The following CSMD3 variants were observed in gnomAD, a reference collection of about 807,000 sequenced individuals.
CSMD3 encodes CUB and Sushi multiple domains 3.
A neutral mutation model predicts 435.2 loss-of-function variants in CSMD3; 177 were observed. That is an observed-to-expected ratio of 0.41 (90% CI 0.36 to 0.46). The LOEUF (loss-of-function observed/expected upper bound fraction) is 0.46, where lower values mean the gene tolerates loss of function less well. Ranked by LOEUF, CSMD3 falls within the 20% of genes least tolerant of loss-of-function variation. The probability of loss-of-function intolerance (pLI) is 0.34; values close to 1 mark genes in which losing one functional copy is unlikely to be tolerated. For synonymous variants in CSMD3, 1,656 were observed against 1,520.5 expected (o/e 1.09, Z -2.07); for missense variants, 4,265 against 4,504.6 (o/e 0.95, Z 1.52).
rs186305561 is a variant in CSMD3, at chr8:112,375,994, C to T, written c.6136+4358G>A. ...TTCCCTAATGTGGCATATTTCATAG[C>T]TCTGTCTGAACATGAAGTTTCCTCT... On this transcript the variant is annotated intron_variant, in intron 38 of 70. Transcript: ENST00000297405. Among the ~76,000 whole-genome samples the T allele has an allele frequency of 3.3e-5, 5 of 152,210 alleles. No homozygotes were observed. In the East Asian group the frequency reaches 9.7e-4, roughly 29 times the overall value.
At chr8:112,656,795 T>A (rs762269371) in intron 17 of CSMD3, among the ~76,000 whole-genome samples, 15 of 152,146 alleles carry the variant, frequency 9.9e-5, no homozygotes, top group Non-Finnish European at 1.9e-4. Flanking sequence ...TTTTTATTGA[T>A]ACATAACATT....
intron 5 of CSMD3, among the ~76,000 whole-genome samples, chr8:113,051,667 G>T (rs375693693): frequency 5.5e-4 from 83 of 152,208 alleles, no homozygotes; most frequent in African/African-American, 1.9e-3. Flanking sequence ...CTACATTTGT[G>T]ATAAAGACAC....
At chr8:113,025,808 T>C (rs1011655639) in intron 5 of CSMD3, among the ~76,000 whole-genome samples, 6 of 152,124 alleles carry the variant, frequency 3.9e-5, no homozygotes, top group Non-Finnish European at 7.4e-5. Context: ...TATAACTGCC[T>C]GTTCCATTGG....
intron 13 of CSMD3, among the ~76,000 whole-genome samples, chr8:112,723,510 A>C (rs2076904670): frequency 6.6e-6 from 1 of 152,170 alleles, no homozygotes; most frequent in African/African-American, 2.4e-5. Flanking sequence ...AAATGTCAAC[A>C]ACAGTAACTT....
At chr8:112,659,481 C>T (rs182509353) in intron 17 of CSMD3, among the ~76,000 whole-genome samples, 12 of 152,054 alleles carry the variant, frequency 7.9e-5, no homozygotes, top group Non-Finnish European at 1.6e-4. Context: ...GTAATCCAAA[C>T]CCTTCCTAAC....
intron 38 of CSMD3, among the ~76,000 whole-genome samples, chr8:112,376,552 T>C (rs1205954197): frequency 6.6e-6 from 1 of 151,914 alleles, no homozygotes; most frequent in Non-Finnish European, 1.5e-5. Context: ...TAGGTAATGG[T>C]GTTTCAGTGA....
At chr8:112,665,322 TTTAAG>T (rs1265554337) in intron 17 of CSMD3, among the ~76,000 whole-genome samples, 1 of 152,164 alleles carries the variant, frequency 6.6e-6, no homozygotes, top group Non-Finnish European at 1.5e-5. Context: ...CATGGTTAAA[TTTAAG>T]TTGTCTAACG....
At chr8:112,981,698 T>A (rs2085059220) in intron 6 of CSMD3, among the ~76,000 whole-genome samples, 1 of 151,730 alleles carries the variant, frequency 6.6e-6, no homozygotes, top group African/African-American at 2.4e-5. Flanking sequence ...AAAACAAATA[T>A]TAACAAATTA....
At chr8:112,925,173 C>A (rs1057217232) in intron 9 of CSMD3, among the ~76,000 whole-genome samples, 1 of 152,014 alleles carries the variant, frequency 6.6e-6, no homozygotes, top group Non-Finnish European at 1.5e-5. Flanking sequence ...TTTTCTCATA[C>A]CTTTGGTCTT....
chr8:112,512,555 T>G (rs1328582524), intron 28 of CSMD3, among the ~76,000 whole-genome samples: 1 of 152,182 alleles, frequency 6.6e-6, no homozygotes, highest in African/African-American at 2.4e-5. Context: ...TAAACCATAG[T>G]GTAAACAGAT....
chr8:113,409,025 T>G (rs1304022989), intron 1 of CSMD3, among the ~76,000 whole-genome samples: 3 of 151,818 alleles, frequency 2.0e-5, no homozygotes, highest in Non-Finnish European at 4.4e-5. Flanking sequence ...TAGCCAACAG[T>G]GCTTTATTTC....
chr8:112,263,941 A>T, intron 60 of CSMD3, 129 bp from the exon 61 acceptor site: 1 of 838,114 alleles, frequency 1.2e-6, no homozygotes, highest in Non-Finnish European at 2.0e-6. Context: ...GTTGTGACAT[A>T]TCTTATTCTC....
chr8:113,336,655 C>T (rs1041744287), intron 1 of CSMD3, among the ~76,000 whole-genome samples: 2 of 152,060 alleles, frequency 1.3e-5, no homozygotes, highest in African/African-American at 2.4e-5. Context: ...CCTAATTGGC[C>T]TCCATTAACA....
rs192991703 is a variant in CSMD3, at chr8:112,345,327, G to A, written c.6442+770C>T. On this transcript the variant is annotated intron_variant, in intron 41 of 70. Coordinates refer to ENST00000297405, the MANE Select transcript of CSMD3 (RefSeq NM_198123.2). ...GCATTACTCACAATGGACAAGATACGGAATCAACCTAAGTGTCCATCATCT... is the reference window on the plus strand; with the variant it reads ...GCATTACTCACAATGGACAAGATACAGAATCAACCTAAGTGTCCATCATCT... Among the ~76,000 whole-genome samples the A allele has an allele frequency of 6.1e-4, 93 of 152,112 alleles. 1 individual carries two copies. Among genetic ancestry groups the A allele is most frequent in the Middle Eastern group, 3.4e-3 (1 of 294 alleles).
intron 5 of CSMD3, among the ~76,000 whole-genome samples, chr8:113,082,376 T>C (rs1460832986): frequency 1.3e-5 from 2 of 152,172 alleles, no homozygotes; most frequent in East Asian, 1.9e-4. Context: ...CAGATATCAC[T>C]GAAATTGATT....
rs528822884 is a variant in CSMD3, at chr8:113,052,747, C to A, written c.918-33568G>T. Among the ~76,000 whole-genome samples the A allele has an allele frequency of 2.3e-3, 344 of 152,296 alleles. 4 individuals are homozygous for A. The highest frequency in any genetic ancestry group is 7.9e-3 in the African/African-American group (329 of 41,568). ...GAGCTGTTATCATACTACTGCACTG[C>A]AGCCTGGATAACAGAGACCCCATCT... On this transcript the variant is annotated intron_variant, in intron 5 of 70. Coordinates refer to ENST00000297405, the MANE Select transcript of CSMD3 (RefSeq NM_198123.2).
In CSMD3 at chr8:112,241,846, A is replaced by G. The variant is rs112474600; in HGVS notation, c.10403-61T>C. ...TGCAATTAATTACATACACATGCGC[A>G]CACACACACACGCACACACACACAC... On this transcript the variant is annotated intron_variant, in intron 65 of 70. Transcript: ENST00000297405. 4.3e-3 allele frequency: 3,132 copies of G among 735,538 alleles called. 55 individuals are homozygous for G. Among genetic ancestry groups the G allele is most frequent in the Admixed American group, 0.041 (2,024 of 49,722 alleles). The allele number at this position is 735,538 out of a possible 1,614,324, so 45.6% of individuals were successfully genotyped here.
chr8:112,911,574 TATA>T (rs919198098), intron 10 of CSMD3, among the ~76,000 whole-genome samples: 2 of 151,582 alleles, frequency 1.3e-5, no homozygotes, highest in African/African-American at 4.8e-5. Context: ...TGTTGTCACA[TATA>T]ATAACATTTC....
intron 11 of CSMD3, among the ~76,000 whole-genome samples, chr8:112,832,612 G>A (rs1375479252): frequency 6.6e-6 from 1 of 152,104 alleles, no homozygotes; most frequent in Non-Finnish European, 1.5e-5. Flanking sequence ...GAGGGCCTAA[G>A]TCCTACAACC....
Sources: gnomAD v4.1 joint callset for allele counts (sites outside exome capture counted in the v4.1 genomes callset) on GRCh38, gnomAD v4.1.1 for gene constraint, MANE v1.5 for transcripts, NCBI Gene and HGNC (gene_info 2026-07-23, HGNC 2026-07-21) for gene names.